COL10A1: variants seen among roughly 807,000 people sequenced by gnomAD.
COL10A1 encodes collagen type X alpha 1 chain.
COL10A1 carries 10 observed loss-of-function variants against 18.2 expected under a neutral mutation model. That is an observed-to-expected ratio of 0.55 (90% CI 0.34 to 0.93). The LOEUF is 0.93. Ranked by LOEUF, COL10A1 falls within the 40% of genes least tolerant of loss-of-function variation. The pLI is 0.02. For synonymous variants in COL10A1, 330 were observed against 316.6 expected, an observed-to-expected ratio of 1.04 and a Z score of -0.45; for missense variants, 897 against 853.5, an observed-to-expected ratio of 1.05 and a Z score of -0.64.
At chr6:116,197,530 G>A in the COL10A1 span, among the ~76,000 whole-genome samples, 16 of 151,916 alleles carry the variant, frequency 1.1e-4, no homozygotes, top group Non-Finnish European at 1.8e-4. Context: ...CAGGTACAGC[G>A]GTTAATAACA....
the COL10A1 span, among the ~76,000 whole-genome samples, chr6:116,191,479 T>C: frequency 6.6e-6 from 1 of 152,070 alleles, no homozygotes; most frequent in Non-Finnish European, 1.5e-5. Context: ...AGTAAGTGCT[T>C]CATAAATATT....
intron 1 of COL10A1, among the ~76,000 whole-genome samples, chr6:116,155,006 T>C (rs1050259037): frequency 6.6e-6 from 1 of 152,228 alleles, no homozygotes; most frequent in African/African-American, 2.4e-5. Flanking sequence ...CTGTGCTGGT[T>C]TGAAATGAGG....
Position 116,120,481 on chromosome 6 carries a change from C to G in COL10A1, c.1635G>C (p.Gly545=), listed in dbSNP as rs778694592. The G allele has an allele frequency of 5.6e-6, 9 of 1,614,112 alleles. No homozygotes were observed. In the African/African-American group the frequency reaches 1.2e-4, roughly 22 times the overall value. The change falls in exon 3 of 3, where the codon GGG becomes GGC. Residue 545 remains glycine (G), a synonymous_variant. Transcript: ENST00000651968. ...AAGCAGACACAGGCATTCCTGTTAC[C>G]CCCTGGTTGGCACTAACAAGAGGGG... The part of the protein sequence containing the change: ...SGTPLVSANQ[G]VTGMPVSAFT...
chr6:116,159,145 C>G (rs74358672), upstream of COL10A1, among the ~76,000 whole-genome samples: 15 of 152,020 alleles, frequency 9.9e-5, no homozygotes, highest in Non-Finnish European at 1.9e-4. Flanking sequence ...TGCCATTGCT[C>G]TGGGATCAAT....
chr6:116,210,121 A>T, the COL10A1 span, among the ~76,000 whole-genome samples: 1 of 152,010 alleles, frequency 6.6e-6, no homozygotes, highest in Non-Finnish European at 1.5e-5. Flanking sequence ...TATAATTAGA[A>T]TGCATATTGA....
At chr6:116,131,995 G>A (rs1158218295) in intron 1 of COL10A1, among the ~76,000 whole-genome samples, 1 of 152,138 alleles carries the variant, frequency 6.6e-6, no homozygotes, top group Non-Finnish European at 1.5e-5. Flanking sequence ...TTTCTGCAAA[G>A]GACATTATCT....
intron 1 of COL10A1, among the ~76,000 whole-genome samples, chr6:116,144,499 CAA>C (rs542743486): frequency 7.2e-5 from 9 of 125,036 alleles, no homozygotes; most frequent in African/African-American, 1.2e-4. Context: ...GACTCCGTCT[CAA>C]AAAAAAAAAA....
intron 1 of COL10A1, chr6:116,125,708 C>T: frequency 2.4e-6 from 1 of 423,668 alleles, no homozygotes; most frequent in Non-Finnish European, 4.2e-6. Flanking sequence ...AAGCTATACT[C>T]AGGTAATCAA....
chr6:116,181,895 T>G, the COL10A1 span, among the ~76,000 whole-genome samples: 2 of 152,096 alleles, frequency 1.3e-5, no homozygotes, highest in African/African-American at 2.4e-5. Flanking sequence ...TTCAATAGGT[T>G]TTTGGGAAAC....
chr6:116,165,763 A>C, the COL10A1 span, among the ~76,000 whole-genome samples: 14 of 152,298 alleles, frequency 9.2e-5, no homozygotes, highest in Non-Finnish European at 1.5e-4. Flanking sequence ...CTTAGGGCTG[A>C]ATGTCTGGAA....
chr6:116,206,543 C>CAGA, the COL10A1 span, among the ~76,000 whole-genome samples: 1 of 151,946 alleles, frequency 6.6e-6, no homozygotes, highest in Admixed American at 6.6e-5. Flanking sequence ...TACTCTGGTA[C>CAGA]AGAACTTTGT....
In COL10A1 at chr6:116,134,327, A is replaced by G. The variant is rs1779538225; in HGVS notation, c.-15-8820T>C. On this transcript the variant is annotated intron_variant, in intron 1 of 1. Transcript: ENST00000418500. Reference sequence around the variant, plus strand: ...CTCATGGAGATAAACGCCAGACACCAAAGCCTCTTATGGCCTCTGACTTCT... The same window carrying G: ...CTCATGGAGATAAACGCCAGACACCGAAGCCTCTTATGGCCTCTGACTTCT... Among the ~76,000 whole-genome samples the G allele has an allele frequency of 2.0e-5, 3 of 152,194 alleles. No individual in the cohort carries two copies. The South Asian group carries it at 6.2e-4, about 32-fold the overall frequency.
At position 116,150,656 on chromosome 6, in the gene COL10A1, A is replaced by G. The variant is rs150706412; in HGVS notation, c.-16+7958T>C. Among the ~76,000 whole-genome samples the G allele has an allele frequency of 3.0e-3, 459 of 152,302 alleles. 2 individuals are homozygous for G. The highest frequency in any genetic ancestry group is 0.01 in the African/African-American group (434 of 41,572). On this transcript the variant is annotated intron_variant, in intron 1 of 1. Transcript: ENST00000418500. Reference sequence around the variant, plus strand: ...CCCTGGACAAGAGTGAGTTTTAGGTACTTTACCTAACTTTCAGAGATTGGA... The same window carrying G: ...CCCTGGACAAGAGTGAGTTTTAGGTGCTTTACCTAACTTTCAGAGATTGGA...
chr6:116,172,467 G>A, the COL10A1 span, among the ~76,000 whole-genome samples: 5 of 151,560 alleles, frequency 3.3e-5, no homozygotes, highest in African/African-American at 1.2e-4. Context: ...GACTACAGGC[G>A]CACGCCACCA....
intron 2 of COL10A1, 27 bp from the exon 3 acceptor site, chr6:116,121,988 C>A (rs373382347): frequency 1.3e-6 from 2 of 1,586,774 alleles, no homozygotes; most frequent in Non-Finnish European, 1.7e-6. Context: ...ACACACCCAC[C>A]CATAGAAGGG....
At position 116,120,921 on chromosome 6, in the gene COL10A1, G is replaced by T; in HGVS notation, c.1195C>A (p.Pro399Thr). The change falls in exon 3 of 3, where the codon CCT becomes ACT. Residue 399 changes from proline to threonine, a missense_variant. Pro to Thr is a conservative substitution (Grantham distance 38, BLOSUM62 -1). Coordinates refer to ENST00000651968, the MANE Select transcript of COL10A1 (RefSeq NM_000493.4). Reference protein sequence around the residue: ...GYPGKPGLDGPKGNPGLPGPK... With the variant: ...GYPGKPGLDGTKGNPGLPGPK... ...CCTGGTAACCCTGGGTTACCCTTAG[G>T]ACCATCGAGACCTGGTTTTCCTGGG... 1 of 1,613,910 alleles carries T rather than the reference G, an allele frequency of 6.2e-7. No individual in the cohort carries two copies. Among genetic ancestry groups the T allele is most frequent in the Middle Eastern group, 1.6e-4 (1 of 6,062 alleles).
the COL10A1 span, among the ~76,000 whole-genome samples, chr6:116,182,606 T>C: frequency 6.6e-6 from 1 of 152,124 alleles, no homozygotes; most frequent in Non-Finnish European, 1.5e-5. Context: ...TATCACATTA[T>C]GGTTTTGGTT....
chr6:116,195,969 A>G, the COL10A1 span, among the ~76,000 whole-genome samples: 3 of 152,072 alleles, frequency 2.0e-5, no homozygotes, highest in African/African-American at 4.8e-5. Context: ...CATTTTGGTC[A>G]GTTATTCATT....
Position 116,121,393 on chromosome 6 carries a change from T to G in COL10A1, c.723A>C (p.Gly241=). Residue 241 remains glycine, a synonymous_variant, in exon 3 of 3, where the codon GGA becomes GGC. Coordinates refer to ENST00000651968, the MANE Select transcript of COL10A1 (RefSeq NM_000493.4). ...PGIKGDRGFP[G]EMGPIGPPGP... ...CTGGTGGGCCAATTGGTCCCATTTC[T>G]CCCGGAAAACCTCTATCACCTTTGA... 6.2e-7 allele frequency: 1 copy of G among 1,614,030 alleles called. No individual in the cohort carries two copies. The highest frequency in any genetic ancestry group is 8.5e-7 in the Non-Finnish European group (1 of 1,179,974).
Sources: gnomAD v4.1 joint callset for allele counts (sites outside exome capture counted in the v4.1 genomes callset) on GRCh38, gnomAD v4.1.1 for gene constraint, MANE v1.5 for transcripts, NCBI Gene and HGNC (gene_info 2026-07-23, HGNC 2026-07-21) for gene names.